The following SLC5A11 variants were observed in gnomAD, a reference collection of about 807,000 sequenced individuals.
SLC5A11 encodes solute carrier family 5 member 11, also known as sodium/myo-inositol cotransporter 2.
Under a neutral mutation model 69.8 loss-of-function variants are expected in SLC5A11, and 48 were observed. The observed-to-expected ratio is 0.69, with a 90% CI of 0.55 to 0.87. SLC5A11 has a LOEUF of 0.87. Among genes scored for constraint, SLC5A11 ranks in the 40% least tolerant of loss-of-function variants. The probability of loss-of-function intolerance (pLI) is 0.00; values close to 1 mark genes in which losing one functional copy is unlikely to be tolerated. For synonymous variants in SLC5A11, 319 were observed against 342.4 expected (o/e 0.93, Z 0.75); for missense variants, 784 against 866.1 (o/e 0.91, Z 1.19).
chr16:24,877,053 G>A, intron 6 of SLC5A11: 2 of 1,400,502 alleles, frequency 1.4e-6, no homozygotes, highest in East Asian at 2.6e-5. Context: ...CCATTGAGGA[G>A]GCTGCTGCAT....
chr16:24,910,364 C>T lies in SLC5A11; in HGVS notation c.1709C>T (p.Pro570Leu), dbSNP rs570571745. 3.1e-6 allele frequency: 5 copies of T among 1,614,056 alleles called. No individual in the cohort carries two copies. In the East Asian group the frequency reaches 1.1e-4, roughly 36 times the overall value. The stretch of plus-strand genomic sequence containing the variant: ...CCCGTGGTCCAGAAGGAACAAGCAC[C>T]ACCAGCAGCTCCCTTGTCTCTTACC... The change falls in exon 15 of 16, where the codon CCA (proline) becomes CTA (leucine). Residue 570 changes from proline (P) to leucine (L), a missense_variant. Physicochemically the swap from Pro to Leu is moderately conservative, Grantham distance 98. Transcript: ENST00000347898.
At chr16:24,900,550 C>T (rs1175407447) in intron 10 of SLC5A11, among the ~76,000 whole-genome samples, 8 of 152,106 alleles carry the variant, frequency 5.3e-5, no homozygotes, top group African/African-American at 1.9e-4. Flanking sequence ...GAGTTAAGAA[C>T]TGGGATCTGG....
intron 3 of SLC5A11, among the ~76,000 whole-genome samples, chr16:24,868,434 CA>C (rs527506260): frequency 3.1e-3 from 398 of 128,700 alleles, no homozygotes; most frequent in Middle Eastern, 8.0e-3. Context: ...ACTAAAAATA[CA>C]AAAAAAAAAA....
At chr16:24,872,489 C>A (rs1478512670) in intron 5 of SLC5A11, among the ~76,000 whole-genome samples, 1 of 152,086 alleles carries the variant, frequency 6.6e-6, no homozygotes, top group Non-Finnish European at 1.5e-5. Flanking sequence ...ATTTTAAATA[C>A]CAAAACACAA....
intron 8 of SLC5A11, among the ~76,000 whole-genome samples, chr16:24,889,998 A>G (rs1439690522): frequency 6.6e-6 from 1 of 152,110 alleles, no homozygotes; most frequent in African/African-American, 2.4e-5. Context: ...GAGCGAAGGG[A>G]AGACTGGAAA....
intron 7 of SLC5A11, among the ~76,000 whole-genome samples, chr16:24,883,270 C>A (rs2048164699): frequency 6.6e-6 from 1 of 152,094 alleles, no homozygotes; most frequent in Admixed American, 6.6e-5. Context: ...GGGACTGAGA[C>A]AGGACAATCA....
At chr16:24,870,464 CAA>C (rs1383962276) in intron 4 of SLC5A11, among the ~76,000 whole-genome samples, 1 of 149,622 alleles carries the variant, frequency 6.7e-6, no homozygotes, top group Non-Finnish European at 1.5e-5. Context: ...CACACACACA[CAA>C]ACCCAAAAAA....
rs71156454 is a variant in SLC5A11 at position 24,889,543 on chromosome 16, A to ATTTTTTTTTT, written c.665-1308_665-1299dup. On this transcript the variant is annotated intron_variant, in intron 8 of 15. Coordinates refer to ENST00000347898, the Ensembl canonical transcript of SLC5A11. ...ATTAGACCTACTACAAGGTCTTACA[A>ATTTTTTTTTT]TTTTTTTTTTTTTTTTTTTTTTTTT... 3.9e-4 allele frequency among the ~76,000 whole-genome samples: 29 copies of ATTTTTTTTTT among 74,344 alleles called. 5 individuals are homozygous for ATTTTTTTTTT. The highest frequency in any genetic ancestry group is 1.6e-3 in the African/African-American group (29 of 18,140). The allele number at this position is 74,344 out of a possible 152,430, so 48.8% of individuals were successfully genotyped here.
intron 9 of SLC5A11, among the ~76,000 whole-genome samples, chr16:24,896,536 G>A (rs2049177599): frequency 6.6e-6 from 1 of 152,132 alleles, no homozygotes. Flanking sequence ...ATGATGGGGA[G>A]TCCAGAGGTG....
intron 10 of SLC5A11, among the ~76,000 whole-genome samples, chr16:24,902,545 T>TG (rs1472572569): frequency 9.0e-6 from 1 of 110,792 alleles, no homozygotes; most frequent in African/African-American, 3.5e-5. Context: ...GCCAATCAAG[T>TG]CTTTTTTTTT....
intron 7 of SLC5A11, among the ~76,000 whole-genome samples, chr16:24,883,039 C>T (rs1169830764): frequency 1.3e-5 from 2 of 152,170 alleles, no homozygotes; most frequent in African/African-American, 4.8e-5. Context: ...CCTCTGAATA[C>T]CTAATACTCA....
intron 10 of SLC5A11, 90 bp from the exon 12 acceptor site, chr16:24,906,567 T>C (rs1160501590): frequency 2.9e-6 from 2 of 683,236 alleles, no homozygotes; most frequent in African/African-American, 3.6e-5. Context: ...TAAACTTCCA[T>C]ATGATAAGCC....
intron 1 of SLC5A11, among the ~76,000 whole-genome samples, chr16:24,849,093 C>G (rs2059152228): frequency 6.6e-6 from 1 of 152,178 alleles, no homozygotes; most frequent in Admixed American, 6.5e-5. Flanking sequence ...GAGGTGCTCA[C>G]AGACCACTTG....
chr16:24,886,770 A>G (rs980524989), intron 8 of SLC5A11, among the ~76,000 whole-genome samples: 18 of 151,948 alleles, frequency 1.2e-4, no homozygotes, highest in Admixed American at 7.9e-4. Context: ...ACAACAAAGC[A>G]AGACCCCACT....
At chr16:24,847,888 A>G (rs1307197575) in intron 1 of SLC5A11, among the ~76,000 whole-genome samples, 2 of 152,238 alleles carry the variant, frequency 1.3e-5, no homozygotes, top group Non-Finnish European at 2.9e-5. Flanking sequence ...TGACAGAGAC[A>G]TGGACCTTTC....
intron 7 of SLC5A11, among the ~76,000 whole-genome samples, chr16:24,881,811 G>C (rs1475823437): frequency 6.7e-6 from 1 of 149,762 alleles, no homozygotes; most frequent in Non-Finnish European, 1.5e-5. Context: ...AGTGAAAATG[G>C]CACCCCGTGG....
intron 2 of SLC5A11, among the ~76,000 whole-genome samples, chr16:24,861,562 A>AG: frequency 6.7e-6 from 1 of 149,598 alleles, no homozygotes; most frequent in Admixed American, 6.7e-5. Flanking sequence ...AAGAAAAGAA[A>AG]GAAAGAGAGA....
chr16:24,891,183 C>T, intron 9 of SLC5A11, 109 bp downstream of exon 10: 1 of 1,056,966 alleles, frequency 9.5e-7, no homozygotes, highest in Non-Finnish European at 1.4e-6. Flanking sequence ...TTTGCGTTTT[C>T]CCTGCTTCCT....
chr16:24,874,363 G>C (rs1479685780), intron 5 of SLC5A11, among the ~76,000 whole-genome samples: 1 of 152,108 alleles, frequency 6.6e-6, no homozygotes, highest in East Asian at 1.9e-4. Context: ...GGAATTTCTA[G>C]GTCATTGGAT....
Sources: gnomAD v4.1 joint callset for allele counts (sites outside exome capture counted in the v4.1 genomes callset) on GRCh38, gnomAD v4.1.1 for gene constraint, MANE v1.5 for transcripts, NCBI Gene and HGNC (gene_info 2026-07-23, HGNC 2026-07-21) for gene names.